Variants in DGKI observed in about 807,000 individuals in gnomAD.
DGKI encodes the protein diacylglycerol kinase iota, also known as DAG kinase iota.
Under a neutral mutation model 147.5 loss-of-function variants are expected in DGKI, and 55 were observed. That is an observed-to-expected ratio of 0.37 (90% confidence interval 0.30 to 0.47). The LOEUF (loss-of-function observed/expected upper bound fraction) is 0.47, where lower values mean the gene tolerates loss of function less well. Among genes scored for constraint, DGKI ranks in the 20% least tolerant of loss-of-function variants. DGKI has a pLI of 1.00. For synonymous variants in DGKI, 469 were observed against 477.1 expected (o/e 0.98, Z 0.22); for missense variants, 1,007 against 1,323.8 (o/e 0.76, Z 3.71).
intron 1 of DGKI, among the ~76,000 whole-genome samples, chr7:137,762,171 C>T (rs374110643): frequency 4.3e-4 from 65 of 152,248 alleles, no homozygotes; most frequent in African/African-American, 1.5e-3. Flanking sequence ...AGTTCATTCC[C>T]GATATTAAAT....
At chr7:137,597,787 C>A in intron 12 of DGKI, 60 bp downstream of exon 12, 1 of 1,525,982 alleles carries the variant, frequency 6.6e-7, no homozygotes. Context: ...AGAAGTGCCA[C>A]AAGAAAACAA....
chr7:137,579,482 A>G (rs947388995), intron 15 of DGKI, among the ~76,000 whole-genome samples: 12 of 151,808 alleles, frequency 7.9e-5, no homozygotes, highest in Non-Finnish European at 4.4e-5. Flanking sequence ...GCTTAATTAT[A>G]TATTTCATAG....
At chr7:137,578,159 T>C in intron 16 of DGKI, 111 bp downstream of exon 16, 1 of 707,346 alleles carries the variant, frequency 1.4e-6, no homozygotes, top group Non-Finnish European at 2.5e-6. Flanking sequence ...GATAGACATA[T>C]ATAAATGAGA....
chr7:137,736,828 C>T (rs1292262848), intron 1 of DGKI, among the ~76,000 whole-genome samples: 1 of 152,034 alleles, frequency 6.6e-6, no homozygotes, highest in Non-Finnish European at 1.5e-5. Context: ...ACATTAGATA[C>T]AGAACCATGA....
intron 28 of DGKI, among the ~76,000 whole-genome samples, chr7:137,423,730 G>A (rs894017227): frequency 3.2e-4 from 48 of 152,266 alleles, no homozygotes; most frequent in African/African-American, 1.1e-3. Flanking sequence ...TCAGGAAGGA[G>A]TTAATTTAGC....
Position 137,656,453 on chromosome 7 carries a change from GGC to G in DGKI, c.681+11_681+12del, listed in dbSNP as rs746886459. On this transcript the variant is annotated intron_variant, in intron 4 of 32. Transcript: ENST00000614521. The stretch of plus-strand genomic sequence containing the variant: ...GCAATGTAACAAAACTGCAGCAGGG[GGC>G]GCGCTCTTACCTTTTCTAGCTGCTC... 50 of 1,613,718 alleles carry G rather than the reference GGC, an allele frequency of 3.1e-5. No homozygotes were observed. Among genetic ancestry groups the G allele is most frequent in the African/African-American group, 2.7e-5 (2 of 74,988 alleles).
rs987964551 is a variant in DGKI at position 137,412,082 on chromosome 7, T to C, written c.2799+88A>G. The C allele has an allele frequency of 2.2e-4, 275 of 1,268,250 alleles. 2 individuals are homozygous for C. The highest frequency in any genetic ancestry group is 2.7e-4 in the Non-Finnish European group (237 of 868,686). 78.6% of individuals were successfully genotyped at this position (1,268,250 alleles called of 1,614,324 possible). On this transcript the variant is annotated intron_variant, in intron 29 of 32. Coordinates refer to ENST00000614521, the MANE Select transcript of DGKI (RefSeq NM_001321708.2). Reference sequence around the variant, plus strand: ...AGTGCAAGCAGGGGATGATAAATGATAGATGGGAACATAGAGTTTTGATGA... The same window carrying C: ...AGTGCAAGCAGGGGATGATAAATGACAGATGGGAACATAGAGTTTTGATGA...
intron 1 of DGKI, among the ~76,000 whole-genome samples, chr7:137,739,957 G>A (rs938837068): frequency 5.3e-5 from 8 of 152,106 alleles, no homozygotes; most frequent in South Asian, 2.1e-4. Context: ...CAGTGATTCC[G>A]CTCCACCATG....
chr7:137,566,120 C>A (rs896077514), intron 19 of DGKI, among the ~76,000 whole-genome samples: 2 of 151,902 alleles, frequency 1.3e-5, no homozygotes, highest in African/African-American at 4.8e-5. Flanking sequence ...ATATAAATTT[C>A]TAAGAAAAAT....
At chr7:137,750,161 A>C (rs1186240999) in intron 1 of DGKI, among the ~76,000 whole-genome samples, 1 of 152,180 alleles carries the variant, frequency 6.6e-6, no homozygotes, top group Non-Finnish European at 1.5e-5. Context: ...TAAAGAAGAA[A>C]GATACCCTTG....
At position 137,429,006 on chromosome 7, in the gene DGKI, C is replaced by G. The variant is rs527806646; in HGVS notation, c.2761+15071G>C. On this transcript the variant is annotated intron_variant, in intron 28 of 32. Coordinates refer to ENST00000614521, the MANE Select transcript of DGKI (RefSeq NM_001321708.2). ...GGTAATTTATAGATTCAATGCCATC[C>G]CCATCAAGCTACCAATGACTTTCTT... 6.7e-3 allele frequency among the ~76,000 whole-genome samples: 1,012 copies of G among 151,730 alleles called. 11 individuals are homozygous for G. The highest frequency in any genetic ancestry group is 0.024 in the African/African-American group (976 of 41,460).
intron 23 of DGKI, among the ~76,000 whole-genome samples, chr7:137,470,342 C>A (rs1163477241): frequency 6.6e-6 from 1 of 152,158 alleles, no homozygotes; most frequent in Non-Finnish European, 1.5e-5. Context: ...GACATAACTA[C>A]CATCATTCTT....
chr7:137,749,787 T>G (rs374235788), intron 1 of DGKI, among the ~76,000 whole-genome samples: 14 of 152,270 alleles, frequency 9.2e-5, no homozygotes, highest in African/African-American at 3.1e-4. Context: ...AGACTAGATC[T>G]TCTTCCAATC....
rs111784577 is a variant in DGKI, at chr7:137,464,761, A to G, written c.2612+1147T>C. 7.5e-4 allele frequency among the ~76,000 whole-genome samples: 115 copies of G among 152,354 alleles called. 1 individual carries two copies. Among genetic ancestry groups the G allele is most frequent in the African/African-American group, 2.0e-3 (82 of 41,596 alleles). On this transcript the variant is annotated intron_variant, in intron 26 of 32. Coordinates refer to ENST00000614521, the MANE Select transcript of DGKI (RefSeq NM_001321708.2). ...AAGTAAATCAAGTGACAAGGGGAAA[A>G]CAGGAATGAAGATGACATTGCAGTT...
chr7:137,503,746 G>A (rs1010314062), intron 21 of DGKI, among the ~76,000 whole-genome samples: 11 of 152,018 alleles, frequency 7.2e-5, no homozygotes, highest in Non-Finnish European at 1.3e-4. Context: ...AGTATGTAAA[G>A]GCCCAATGTA....
intron 8 of DGKI, among the ~76,000 whole-genome samples, chr7:137,617,131 A>G (rs1364362762): frequency 2.1e-5 from 3 of 141,250 alleles, no homozygotes; most frequent in Admixed American, 2.0e-4. Flanking sequence ...TACCAAAAAA[A>G]AAAAAAAAAA....
At chr7:137,576,541 T>C (rs1403962344) in intron 17 of DGKI, among the ~76,000 whole-genome samples, 1 of 152,216 alleles carries the variant, frequency 6.6e-6, no homozygotes, top group Non-Finnish European at 1.5e-5. Flanking sequence ...TTAATGTTTT[T>C]CTTAATACCT....
chr7:137,391,364 AAGAG>A (rs553552916), intron 32 of DGKI, 28 bp from the exon 33 acceptor site: 33 of 1,438,570 alleles, frequency 2.3e-5, no homozygotes, highest in African/African-American at 2.9e-5. Context: ...GAAAAAAAAA[AAGAG>A]AGAGAGAGAT....
chr7:137,801,383 A>G lies in DGKI; in HGVS notation c.401+45079T>C, dbSNP rs575148071. On this transcript the variant is annotated intron_variant, in intron 1 of 32. Transcript: ENST00000614521. Reference sequence around the variant, plus strand: ...GAAGGAGCAAGGGGAAATGGATTTCATAAAACAACTGTGTCCTTTACATCA... The same window carrying G: ...GAAGGAGCAAGGGGAAATGGATTTCGTAAAACAACTGTGTCCTTTACATCA... Among the ~76,000 whole-genome samples the G allele has an allele frequency of 4.7e-4, 71 of 152,378 alleles. 1 individual carries two copies. Among genetic ancestry groups the G allele is most frequent in the African/African-American group, 1.6e-3 (65 of 41,594 alleles).
Sources: allele counts gnomAD v4.1 joint callset (sites outside exome capture counted in the v4.1 genomes callset), GRCh38; gene constraint gnomAD v4.1.1; transcripts MANE v1.5; gene names NCBI Gene and HGNC (gene_info 2026-07-23, HGNC 2026-07-21).